FNDC1: variants seen among roughly 807,000 people sequenced by gnomAD.
FNDC1 encodes fibronectin type III domain-containing protein 1.
A neutral mutation model predicts 168.0 loss-of-function variants in FNDC1; 96 were observed. The ratio of observed to expected loss-of-function variants is 0.57; its 90% CI spans 0.48 to 0.68. The LOEUF (loss-of-function observed/expected upper bound fraction) is 0.68. Among genes scored for constraint, FNDC1 ranks in the 30% least tolerant of loss-of-function variants. The pLI is 0.00. For synonymous variants in FNDC1, 1,099 were observed against 1,025.9 expected (o/e 1.07, Z -1.36); for missense variants, 2,587 against 2,482.1 (o/e 1.04, Z -0.90).
rs780944820 is a variant in FNDC1 at position 159,251,319 on chromosome 6, C to T, written c.4852C>T (p.Leu1618=). 6.2e-7 allele frequency: 1 copy of T among 1,613,574 alleles called. No homozygotes were observed. Among genetic ancestry groups the T allele is most frequent in the African/African-American group, 1.3e-5 (1 of 74,892 alleles). ...KRFVAPYVTY[L]NKDPSAPCSL... Reference sequence around the variant, plus strand: ...TTTTCCAGCTCCTTACGTGACGTACCTAAATAAAGACCCATCAGCCCCGTG... The same window carrying T: ...TTTTCCAGCTCCTTACGTGACGTACTTAAATAAAGACCCATCAGCCCCGTG... Residue 1618 remains leucine, a synonymous_variant, in exon 17 of 23, where the codon CTA becomes TTA. Transcript: ENST00000297267.
chr6:159,241,896 A>C (rs1047843284), intron 14 of FNDC1, among the ~76,000 whole-genome samples: 6 of 152,070 alleles, frequency 3.9e-5, no homozygotes, highest in Non-Finnish European at 8.8e-5. Flanking sequence ...TCACCTCCCA[A>C]AGTTCCCTCC....
intron 19 of FNDC1, among the ~76,000 whole-genome samples, chr6:159,264,669 A>G (rs1337006280): frequency 6.6e-6 from 1 of 152,194 alleles, no homozygotes; most frequent in Non-Finnish European, 1.5e-5. Context: ...CCACCACACT[A>G]TTTTCTAAAG....
chr6:159,228,545 GT>G (rs530842105), intron 9 of FNDC1, among the ~76,000 whole-genome samples: 13 of 150,108 alleles, frequency 8.7e-5, no homozygotes, highest in Admixed American at 8.6e-4. Flanking sequence ...TGGTTGAAAC[GT>G]TTTTTTTTTA....
rs566084183 is a variant in FNDC1 at position 159,246,494 on chromosome 6, C to T, written c.4622-407C>T. Reference sequence around the variant, plus strand: ...GCACCAACCGCCCACTCTCTTCTGTCTCTCGTGACTGCTTCCTGAGAGCGC... The same window carrying T: ...GCACCAACCGCCCACTCTCTTCTGTTTCTCGTGACTGCTTCCTGAGAGCGC... On this transcript the variant is annotated intron_variant, in intron 14 of 22. Coordinates refer to ENST00000297267, the MANE Select transcript of FNDC1 (RefSeq NM_032532.3). 5.3e-5 allele frequency among the ~76,000 whole-genome samples: 8 copies of T among 152,360 alleles called. No individual in the cohort carries two copies. The South Asian group carries it at 1.2e-3, about 24-fold the overall frequency.
intron 1 of FNDC1, among the ~76,000 whole-genome samples, chr6:159,193,958 G>A (rs1782189911): frequency 1.3e-5 from 2 of 152,296 alleles, no homozygotes; most frequent in Admixed American, 6.5e-5. Context: ...ATATTATTTT[G>A]CCACTCAGTC....
At chr6:159,260,700 G>A (rs949507774) in intron 18 of FNDC1, among the ~76,000 whole-genome samples, 10 of 152,176 alleles carry the variant, frequency 6.6e-5, no homozygotes, top group African/African-American at 2.4e-4. Flanking sequence ...TGGAGCAAAC[G>A]TCCTGCTCTT....
At chr6:159,248,939 G>GTCT in intron 15 of FNDC1, 100 bp from the exon 16 acceptor site, 2 of 1,116,210 alleles carry the variant, frequency 1.8e-6, no homozygotes, top group Non-Finnish European at 2.5e-6. Context: ...CTGTCTGTCT[G>GTCT]GGTTTCAGCC....
At position 159,232,879 on chromosome 6, in the gene FNDC1, C is replaced by T; in HGVS notation, c.2367C>T (p.His789=). ...CGGAGGCTTCTGATGGTGAAAGCCACGGTGACGGCGATAGGGAAGACGGCG... is the reference window on the plus strand; with the variant it reads ...CGGAGGCTTCTGATGGTGAAAGCCATGGTGACGGCGATAGGGAAGACGGCG... ...EGAEASDGES[H]GDGDREDGGR... The change falls in exon 11 of 23, where the codon CAC becomes CAT. Residue 789 remains histidine, a synonymous_variant. Coordinates refer to ENST00000297267, the MANE Select transcript of FNDC1 (RefSeq NM_032532.3). The surrounding 1 kb of genome is among the most constrained non-coding windows in gnomAD (Gnocchi z 4.9). 8.1e-6 allele frequency: 13 copies of T among 1,613,350 alleles called. No individual in the cohort carries two copies. Among genetic ancestry groups the T allele is most frequent in the Admixed American group, 1.7e-5 (1 of 60,012 alleles).
chr6:159,211,218 T>C (rs365045), intron 4 of FNDC1, among the ~76,000 whole-genome samples: 23,448 of 152,058 alleles, frequency 0.15, 2,221 homozygotes, highest in East Asian at 0.29. Flanking sequence ...CTTTGTGAAG[T>C]TGGTGGTCAG....
chr6:159,266,724 C>G (rs531060704), intron 21 of FNDC1, among the ~76,000 whole-genome samples: 2 of 144,144 alleles, frequency 1.4e-5, no homozygotes, highest in African/African-American at 2.6e-5. Context: ...ATAATGAGTA[C>G]GAGCGTGAGC....
At chr6:159,253,474 G>A (rs1056437256) in intron 17 of FNDC1, among the ~76,000 whole-genome samples, 1 of 152,196 alleles carries the variant, frequency 6.6e-6, no homozygotes, top group Non-Finnish European at 1.5e-5. Flanking sequence ...GATGTTGTGT[G>A]CTCTGCTCAT....
In FNDC1 at chr6:159,199,988, T is replaced by C. The variant is rs1197574717; in HGVS notation, c.305-8T>C. The C allele has an allele frequency of 1.9e-6, 3 of 1,599,298 alleles. No homozygotes were observed. Among genetic ancestry groups the C allele is most frequent in the South Asian group, 1.1e-5 (1 of 88,066 alleles). ...AATTGGTGGCTTGATATGAACCGTATGTTTCAGAGCCGGGGGTAGTGTACT... is the reference window on the plus strand; with the variant it reads ...AATTGGTGGCTTGATATGAACCGTACGTTTCAGAGCCGGGGGTAGTGTACT... On this transcript the variant is annotated splice_polypyrimidine_tract_variant and splice_region_variant and intron_variant, in intron 2 of 22. Transcript: ENST00000297267.
intron 22 of FNDC1, among the ~76,000 whole-genome samples, chr6:159,269,297 C>CT (rs1220891350): frequency 0.06 from 4,471 of 75,014 alleles, 912 homozygotes; most frequent in Middle Eastern, 0.089. Context: ...TCTATCCATC[C>CT]ATCCATCTAT....
chr6:159,250,670 G>A (rs1435626671), intron 16 of FNDC1, among the ~76,000 whole-genome samples: 1 of 152,180 alleles, frequency 6.6e-6, no homozygotes, highest in Non-Finnish European at 1.5e-5. Flanking sequence ...CTTACTCCCA[G>A]GACCATGTAT....
At chr6:159,171,028 T>TG (rs1187141049) in intron 1 of FNDC1, among the ~76,000 whole-genome samples, 4 of 152,226 alleles carry the variant, frequency 2.6e-5, no homozygotes, top group African/African-American at 9.6e-5. Context: ...GCCCTGGCTT[T>TG]GTGGCGATTC....
chr6:159,253,218 G>T (rs1014500046), intron 17 of FNDC1, among the ~76,000 whole-genome samples: 1 of 152,140 alleles, frequency 6.6e-6, no homozygotes, highest in Non-Finnish European at 1.5e-5. Context: ...ATACAGAGCC[G>T]TGCCAACTCC....
chr6:159,219,825 A>G (rs1583881185), intron 5 of FNDC1, among the ~76,000 whole-genome samples: 1 of 152,112 alleles, frequency 6.6e-6, no homozygotes, highest in Non-Finnish European at 1.5e-5. Flanking sequence ...ATGATGGGAC[A>G]CTGCTTTCCA....
intron 4 of FNDC1, among the ~76,000 whole-genome samples, chr6:159,212,224 A>T (rs1782620091): frequency 6.6e-6 from 1 of 152,260 alleles, no homozygotes; most frequent in Non-Finnish European, 1.5e-5. Flanking sequence ...GAATGTGTCC[A>T]GCCAAGTTTG....
chr6:159,177,652 A>G (rs1583848664), intron 1 of FNDC1, among the ~76,000 whole-genome samples: 1 of 152,186 alleles, frequency 6.6e-6, no homozygotes, highest in South Asian at 2.1e-4. Flanking sequence ...GAAAACTGCC[A>G]TGGTGGCACA....
Sources: gnomAD v4.1 joint callset for allele counts (sites outside exome capture counted in the v4.1 genomes callset) on GRCh38, gnomAD v4.1.1 for gene constraint, Gnocchi (gnomAD v3.1) non-coding constraint, MANE v1.5 for transcripts, NCBI Gene and HGNC (gene_info 2026-07-23, HGNC 2026-07-21) for gene names.